BTBD9: variants seen among roughly 807,000 people sequenced by gnomAD.
The protein encoded by BTBD9 is BTB domain containing 9.
In BTBD9, 49 loss-of-function variants were observed where a neutral mutation model predicts 64.3. The observed-to-expected ratio is 0.76, with a 90% CI of 0.61 to 0.97. BTBD9 has a LOEUF of 0.97. Ranked by LOEUF, BTBD9 falls within the 50% of genes least tolerant of loss-of-function variation. The pLI, the probability that BTBD9 is intolerant of heterozygous loss-of-function variation, is 0.00. For synonymous variants in BTBD9, 260 were observed against 274.7 expected, an observed-to-expected ratio of 0.95 and a Z score of 0.53; for missense variants, 598 against 762.1, an observed-to-expected ratio of 0.78 and a Z score of 2.53.
At chr6:38,217,463 T>C (rs1017821895) in intron 9 of BTBD9, among the ~76,000 whole-genome samples, 4 of 151,890 alleles carry the variant, frequency 2.6e-5, no homozygotes, top group African/African-American at 9.7e-5. Context: ...GAAGATAATT[T>C]TAGTGACAGT....
intron 6 of BTBD9, among the ~76,000 whole-genome samples, chr6:38,422,298 C>T (rs1293492688): frequency 6.6e-6 from 1 of 152,144 alleles, no homozygotes; most frequent in Non-Finnish European, 1.5e-5. Flanking sequence ...AAATGAACTC[C>T]TACCCAGCAT....
At chr6:38,500,621 G>A (rs1240939722) in intron 6 of BTBD9, among the ~76,000 whole-genome samples, 2 of 152,146 alleles carry the variant, frequency 1.3e-5, no homozygotes, top group South Asian at 2.1e-4. Context: ...ATCTTACAGG[G>A]CAGGTGAGAG....
At chr6:38,264,165 T>C (rs750595684) in intron 8 of BTBD9, among the ~76,000 whole-genome samples, 1 of 152,100 alleles carries the variant, frequency 6.6e-6, no homozygotes, top group Non-Finnish European at 1.5e-5. Context: ...GGAGAGAGCC[T>C]TGCAAAGATG....
chr6:38,524,447 T>C (rs1342657419), intron 6 of BTBD9, among the ~76,000 whole-genome samples: 2 of 152,154 alleles, frequency 1.3e-5, no homozygotes, highest in Admixed American at 6.5e-5. Flanking sequence ...TGGATTAGTA[T>C]TAGAACAGTA....
intron 9 of BTBD9, among the ~76,000 whole-genome samples, chr6:38,248,742 C>T (rs922619281): frequency 3.3e-4 from 50 of 152,122 alleles, no homozygotes; most frequent in African/African-American, 1.1e-3. Flanking sequence ...TCTCCCTTCC[C>T]GGAAACCACT....
chr6:38,266,260 T>C (rs998529574), intron 8 of BTBD9, among the ~76,000 whole-genome samples: 1 of 152,190 alleles, frequency 6.6e-6, no homozygotes, highest in Non-Finnish European at 1.5e-5. Context: ...CTAGACTTCA[T>C]ACTACACAGT....
At chr6:38,634,690 A>C (rs778878608) in intron 1 of BTBD9, among the ~76,000 whole-genome samples, 1 of 152,186 alleles carries the variant, frequency 6.6e-6, no homozygotes, top group African/African-American at 2.4e-5. Context: ...AAAATTAGAA[A>C]TCATATCCTC....
chr6:38,175,589 G>A (rs963412277), intron 10 of BTBD9, among the ~76,000 whole-genome samples: 3 of 152,196 alleles, frequency 2.0e-5, no homozygotes, highest in African/African-American at 7.2e-5. Flanking sequence ...TCGATTCTGT[G>A]AGGTTGTGGA....
intron 6 of BTBD9, among the ~76,000 whole-genome samples, chr6:38,360,414 A>G (rs577659323): frequency 3.9e-5 from 6 of 152,302 alleles, no homozygotes; most frequent in South Asian, 4.1e-4. Flanking sequence ...GGCACTAGAT[A>G]TGAAAAAATA....
intron 7 of BTBD9, among the ~76,000 whole-genome samples, chr6:38,337,407 T>C (rs1333406964): frequency 6.6e-6 from 1 of 152,236 alleles, no homozygotes; most frequent in Non-Finnish European, 1.5e-5. Flanking sequence ...ACAACCTATT[T>C]CTATTTACTA....
chr6:38,257,063 CTTT>C (rs745545678), intron 8 of BTBD9, among the ~76,000 whole-genome samples: 2 of 111,374 alleles, frequency 1.8e-5, no homozygotes, highest in Non-Finnish European at 3.8e-5. Context: ...TTGCACACTT[CTTT>C]TTTTTTTTTT....
chr6:38,189,475 A>G (rs1761958620), intron 10 of BTBD9, among the ~76,000 whole-genome samples: 1 of 152,096 alleles, frequency 6.6e-6, no homozygotes, highest in Non-Finnish European at 1.5e-5. Flanking sequence ...ATGCCCAATA[A>G]AGTTCAGCTT....
At chr6:38,194,112 C>T (rs1361518682) in intron 9 of BTBD9, among the ~76,000 whole-genome samples, 1 of 152,064 alleles carries the variant, frequency 6.6e-6, no homozygotes, top group Non-Finnish European at 1.5e-5. Context: ...CCCCAGCTCT[C>T]TTGGGGAGTT....
chr6:38,624,737 A>G (rs924041628), intron 1 of BTBD9, among the ~76,000 whole-genome samples: 4 of 152,130 alleles, frequency 2.6e-5, no homozygotes, highest in Non-Finnish European at 5.9e-5. Context: ...TAATGAAATA[A>G]TATTTATCTC....
At chr6:38,578,650 C>G (rs1254909910) in intron 5 of BTBD9, among the ~76,000 whole-genome samples, 1 of 152,168 alleles carries the variant, frequency 6.6e-6, no homozygotes, top group Admixed American at 6.5e-5. Flanking sequence ...CTGGTTATAA[C>G]CTTTTATTGA....
At chr6:38,532,859 T>G (rs1244981515) in intron 6 of BTBD9, among the ~76,000 whole-genome samples, 2 of 151,662 alleles carry the variant, frequency 1.3e-5, no homozygotes, top group African/African-American at 4.8e-5. Context: ...AGAGACTCCT[T>G]CTGCTTGAGA....
chr6:38,214,361 C>G (rs567072294), intron 9 of BTBD9, among the ~76,000 whole-genome samples: 96 of 152,382 alleles, frequency 6.3e-4, no homozygotes, highest in African/African-American at 2.2e-3. Flanking sequence ...AAGGACTGAC[C>G]TAGCCCGCTG....
chr6:38,300,125 C>T (rs1762328665), intron 7 of BTBD9, among the ~76,000 whole-genome samples: 1 of 152,158 alleles, frequency 6.6e-6, no homozygotes. Flanking sequence ...ATCCTTTCCC[C>T]ATTGCTTGTC....
chr6:38,224,252 A>G (rs192261840), intron 9 of BTBD9, among the ~76,000 whole-genome samples: 230 of 152,260 alleles, frequency 1.5e-3, no homozygotes, highest in African/African-American at 5.2e-3. Context: ...ACAATTCAGT[A>G]ATAAGATTTG....
Sources: allele counts gnomAD v4.1 joint callset (sites outside exome capture counted in the v4.1 genomes callset), GRCh38; gene constraint gnomAD v4.1.1; transcripts MANE v1.5; gene names NCBI Gene and HGNC (gene_info 2026-07-23, HGNC 2026-07-21).